Variants in VWA8 observed in about 807,000 individuals in gnomAD.
The protein encoded by VWA8 is von Willebrand factor A domain containing 8, also known as von Willebrand factor A domain-containing protein 8.
A neutral mutation model predicts 241.5 loss-of-function variants in VWA8; 221 were observed. The observed-to-expected ratio is 0.91, with a 90% CI of 0.82 to 1.02. The LOEUF (loss-of-function observed/expected upper bound fraction) is 1.02. VWA8 is among the 50% of genes least tolerant of loss of function. The pLI is 0.00. For synonymous variants in VWA8, 852 were observed against 827.1 expected, an observed-to-expected ratio of 1.03 and a Z score of -0.52; for missense variants, 2,322 against 2,328.7, an observed-to-expected ratio of 1.00 and a Z score of 0.06.
Position 41,567,740 on chromosome 13 carries a change from G to A in VWA8, c.*457C>T, listed in dbSNP as rs1162926348. 6.5e-6 allele frequency: 1 copy of A among 153,582 alleles called. No homozygotes were observed. Among genetic ancestry groups the A allele is most frequent in the Non-Finnish European group, 1.5e-5 (1 of 68,914 alleles). 9.5% of individuals were successfully genotyped at this position (153,582 alleles called of 1,614,324 possible). On this transcript the variant is annotated 3_prime_UTR_variant, in exon 45 of 45. Transcript: ENST00000379310. The stretch of plus-strand genomic sequence containing the variant: ...CAGGGAGAAAATAAAAATAATTGTT[G>A]GATAGGAGCATTTTGGTGGGTTTTG...
intron 12 of VWA8, among the ~76,000 whole-genome samples, chr13:41,858,027 T>C (rs191054442): frequency 6.6e-6 from 1 of 152,312 alleles, no homozygotes; most frequent in Admixed American, 6.5e-5. Context: ...CTGGAACTTA[T>C]ACTATTGGCT....
chr13:41,675,467 G>A (rs1198368051), intron 35 of VWA8, among the ~76,000 whole-genome samples, 171 bp from the exon 36 acceptor site: 1 of 152,116 alleles, frequency 6.6e-6, no homozygotes, highest in Non-Finnish European at 1.5e-5. Flanking sequence ...TTCCCTCAGG[G>A]AAGCATATTG....
At chr13:41,729,759 A>C (rs564899963) in intron 22 of VWA8, 82 bp from the exon 23 acceptor site, 1 of 1,429,338 alleles carries the variant, frequency 7.0e-7, no homozygotes, top group South Asian at 1.3e-5. Flanking sequence ...CTTTGGACTT[A>C]TAACAGCTGG....
At chr13:41,817,191 A>G (rs1471067770) in intron 15 of VWA8, among the ~76,000 whole-genome samples, 1 of 152,196 alleles carries the variant, frequency 6.6e-6, no homozygotes, top group Admixed American at 6.5e-5. Flanking sequence ...TCCCTTATTT[A>G]GCAGCAATCT....
At chr13:41,615,586 T>C (rs1287891373) in intron 37 of VWA8, among the ~76,000 whole-genome samples, 1 of 152,260 alleles carries the variant, frequency 6.6e-6, no homozygotes, top group Non-Finnish European at 1.5e-5. Context: ...GTTATGTATG[T>C]ATGCCTTAGT....
Position 41,615,128 on chromosome 13 carries a change from C to T in VWA8, c.4612-44G>A, listed in dbSNP as rs2044613029. On this transcript the variant is annotated intron_variant, in intron 37 of 44. Coordinates refer to ENST00000379310, the MANE Select transcript of VWA8 (RefSeq NM_015058.2). ...GACATTTTTACTATCCTGTGACAAA[C>T]ACCAGGGACTGCATGACAGAAAAAA... is the stretch of plus-strand genomic sequence containing the variant. 7.5e-6 allele frequency: 12 copies of T among 1,598,506 alleles called. 1 individual carries two copies. In the South Asian group the frequency reaches 1.2e-4, roughly 16 times the overall value.
intron 14 of VWA8, among the ~76,000 whole-genome samples, chr13:41,820,983 G>A (rs1870930068): frequency 6.6e-6 from 1 of 152,186 alleles, no homozygotes; most frequent in African/African-American, 2.4e-5. Flanking sequence ...AGCTGCAGAT[G>A]TAGTTTCTCA....
At chr13:41,902,223 T>C (rs956724887) in intron 4 of VWA8, among the ~76,000 whole-genome samples, 1 of 152,110 alleles carries the variant, frequency 6.6e-6, no homozygotes, top group African/African-American at 2.4e-5. Context: ...CTAAAAATCA[T>C]ATCTTTGAGT....
At chr13:41,573,610 C>CATATATATATATATATATATAT (rs1239166610) in intron 43 of VWA8, among the ~76,000 whole-genome samples, 5,889 of 139,830 alleles carry the variant, frequency 0.042, 167 homozygotes, top group Middle Eastern at 0.074. Flanking sequence ...TATATATACG[C>CATATATATATATATATATATAT]ATATATATGG....
chr13:41,856,777 T>C (rs1593820970), intron 12 of VWA8, among the ~76,000 whole-genome samples: 2 of 151,758 alleles, frequency 1.3e-5, no homozygotes, highest in Admixed American at 6.6e-5. Context: ...CAAGCTAAGA[T>C]TGTGCCGTTG....
At chr13:41,682,677 C>T (rs1384739001) in intron 35 of VWA8, among the ~76,000 whole-genome samples, 1 of 152,100 alleles carries the variant, frequency 6.6e-6, no homozygotes, top group Non-Finnish European at 1.5e-5. Context: ...GCCTGGGAGG[C>T]AGAGGCTACA....
At chr13:41,608,232 A>C (rs2044565229) in intron 39 of VWA8, among the ~76,000 whole-genome samples, 1 of 152,126 alleles carries the variant, frequency 6.6e-6, no homozygotes, top group Non-Finnish European at 1.5e-5. Context: ...GAAATCTGGA[A>C]ACCATATTCC....
In VWA8 at chr13:41,873,783, G is replaced by A. The variant is rs964988622; in HGVS notation, c.1081-5306C>T. Among the ~76,000 whole-genome samples the A allele has an allele frequency of 5.3e-4, 80 of 152,248 alleles. 1 individual carries two copies. The highest frequency in any genetic ancestry group is 1.9e-3 in the African/African-American group (78 of 41,556). ...AGGAGGAACTGGTATCATTCCTTCTGAAACTATTCCAATCAATAGAAAAAG... is the reference window on the plus strand; with the variant it reads ...AGGAGGAACTGGTATCATTCCTTCTAAAACTATTCCAATCAATAGAAAAAG... On this transcript the variant is annotated intron_variant, in intron 9 of 44. Coordinates refer to ENST00000379310, the MANE Select transcript of VWA8 (RefSeq NM_015058.2).
At chr13:41,923,592 G>C (rs887960869) in intron 2 of VWA8, among the ~76,000 whole-genome samples, 1 of 151,866 alleles carries the variant, frequency 6.6e-6, no homozygotes, top group African/African-American at 2.4e-5. Context: ...CCAGATCCCC[G>C]TGCTGCTGCA....
intron 26 of VWA8, among the ~76,000 whole-genome samples, chr13:41,704,502 C>A (rs924977574): frequency 3.3e-5 from 5 of 150,412 alleles, no homozygotes; most frequent in African/African-American, 1.2e-4. Flanking sequence ...CTCACTCTGT[C>A]ACCCAGGCTG....
intron 2 of VWA8, among the ~76,000 whole-genome samples, chr13:41,942,231 A>G (rs1002793760): frequency 6.6e-6 from 1 of 152,216 alleles, no homozygotes; most frequent in Non-Finnish European, 1.5e-5. Flanking sequence ...ACCATTAAAT[A>G]ATGAATATTA....
At chr13:41,912,281 TTATC>T (rs1490242215) in intron 2 of VWA8, 113 bp from the exon 3 acceptor site, 3 of 784,868 alleles carry the variant, frequency 3.8e-6, no homozygotes, top group African/African-American at 3.6e-5. Flanking sequence ...AAATATGTGT[TTATC>T]TGTGTATTTA....
intron 37 of VWA8, among the ~76,000 whole-genome samples, chr13:41,651,423 G>A (rs150355095): frequency 2.6e-5 from 4 of 152,300 alleles, no homozygotes; most frequent in African/African-American, 9.6e-5. Flanking sequence ...AGAAAGCAGA[G>A]GTAGACTGCC....
Position 41,926,956 on chromosome 13 carries a change from C to T in VWA8, c.242-14788G>A, listed in dbSNP as rs1161866790. ...TTCCTGGAAATGATTTGCATCAATC[C>T]TACATTAATCTGTGATCATCCACAG... On this transcript the variant is annotated intron_variant, in intron 2 of 44. Transcript: ENST00000379310. 3 of 520,510 alleles carry T rather than the reference C, an allele frequency of 5.8e-6. No homozygotes were observed. In the East Asian group the frequency reaches 1.5e-4, roughly 26 times the overall value. The allele number at this position is 520,510 out of a possible 1,614,324, so 32.2% of individuals were successfully genotyped here.
Sources: gnomAD v4.1 joint callset for allele counts (sites outside exome capture counted in the v4.1 genomes callset) on GRCh38, gnomAD v4.1.1 for gene constraint, MANE v1.5 for transcripts, NCBI Gene and HGNC (gene_info 2026-07-23, HGNC 2026-07-21) for gene names.